Variants in GRIK2 observed in about 807,000 individuals in gnomAD.
GRIK2 encodes the protein glutamate receptor ionotropic, kainate 2.
GRIK2 carries 32 observed loss-of-function variants against 100.3 expected under a neutral mutation model. The ratio of observed to expected loss-of-function variants is 0.32; its 90% CI spans 0.24 to 0.43. The LOEUF (loss-of-function observed/expected upper bound fraction) is 0.43, where lower values mean the gene tolerates loss of function less well. Among genes scored for constraint, GRIK2 ranks in the 20% least tolerant of loss-of-function variants. The pLI, the probability that GRIK2 is intolerant of heterozygous loss-of-function variation, is 1.00. For synonymous variants in GRIK2, 417 were observed against 389.4 expected (o/e 1.07, Z -0.83); for missense variants, 843 against 1,114.9 (o/e 0.76, Z 3.47).
At chr6:101,578,575 GA>G (rs1173622649) in intron 2 of GRIK2, among the ~76,000 whole-genome samples, 1 of 152,122 alleles carries the variant, frequency 6.6e-6, no homozygotes, top group Non-Finnish European at 1.5e-5. Flanking sequence ...GACTGCTTCA[GA>G]ATCATTTGGG....
chr6:101,525,228 CT>C (rs1312171716), intron 2 of GRIK2, among the ~76,000 whole-genome samples: 4 of 152,182 alleles, frequency 2.6e-5, no homozygotes, highest in African/African-American at 9.7e-5. Context: ...GAAGAACACA[CT>C]TTAACTGCTC....
intron 14 of GRIK2, among the ~76,000 whole-genome samples, chr6:101,991,044 A>G (rs1794334058): frequency 6.6e-6 from 1 of 151,820 alleles, no homozygotes; most frequent in African/African-American, 2.4e-5. Context: ...ATGAATGGTC[A>G]TTTTCCATAA....
In GRIK2 at chr6:101,536,146, TG is replaced by T. The variant is rs566245139; in HGVS notation, c.116-85802del. 3.4e-3 allele frequency among the ~76,000 whole-genome samples: 519 copies of T among 151,812 alleles called. 1 individual carries two copies. The highest frequency in any genetic ancestry group is 6.0e-3 in the Non-Finnish European group (405 of 67,722). Reference sequence around the variant, plus strand: ...AAGGATAAAAAAGTTTTTTTGTGTATGTGTGTGAACTTGCTTTTGAAGCCCC... The same window carrying T: ...AAGGATAAAAAAGTTTTTTTGTGTATTGTGTGAACTTGCTTTTGAAGCCCC... On this transcript the variant is annotated intron_variant, in intron 2 of 16. Coordinates refer to ENST00000369134, the MANE Select transcript of GRIK2 (RefSeq NM_021956.5).
At chr6:101,979,878 G>A (rs1027129147) in intron 14 of GRIK2, among the ~76,000 whole-genome samples, 5 of 151,976 alleles carry the variant, frequency 3.3e-5, no homozygotes, top group African/African-American at 1.2e-4. Flanking sequence ...TCCTCCTGCT[G>A]CAGCAGAGAG....
At chr6:101,635,498 G>C (rs545110366) in intron 4 of GRIK2, among the ~76,000 whole-genome samples, 1 of 152,224 alleles carries the variant, frequency 6.6e-6, no homozygotes, top group East Asian at 1.9e-4. Flanking sequence ...AGCCAAGATT[G>C]ACTAATGGGA....
At chr6:101,790,979 T>C (rs1269174832) in intron 7 of GRIK2, among the ~76,000 whole-genome samples, 1 of 152,168 alleles carries the variant, frequency 6.6e-6, no homozygotes, top group Non-Finnish European at 1.5e-5. Flanking sequence ...TTCTAGATTT[T>C]CTAGTTTATT....
intron 9 of GRIK2, among the ~76,000 whole-genome samples, chr6:101,808,188 G>A (rs10485276): frequency 0.3 from 45,264 of 151,788 alleles, 9,576 homozygotes; most frequent in East Asian, 0.67. Flanking sequence ...ATCTTAGACT[G>A]TAACTTCAAA....
At chr6:101,479,479 G>C (rs1056625103) in intron 2 of GRIK2, among the ~76,000 whole-genome samples, 1 of 152,002 alleles carries the variant, frequency 6.6e-6, no homozygotes, top group Non-Finnish European at 1.5e-5. Context: ...TACCAATTAG[G>C]TGATAAAACT....
In GRIK2 at chr6:101,493,774, T is replaced by C. The variant is rs982583679; in HGVS notation, c.115+94382T>C. Among the ~76,000 whole-genome samples the C allele has an allele frequency of 2.6e-5, 4 of 151,346 alleles. No homozygotes were observed. The South Asian group carries it at 8.3e-4, about 31-fold the overall frequency. The stretch of plus-strand genomic sequence containing the variant: ...TATATTATTGGAATTTGTGTATATT[T>C]TACTTTAATTATTTTTCAGCCTACT... On this transcript the variant is annotated intron_variant, in intron 2 of 16. Coordinates refer to ENST00000369134, the MANE Select transcript of GRIK2 (RefSeq NM_021956.5).
At chr6:101,679,549 A>G (rs1771088731) in intron 5 of GRIK2, among the ~76,000 whole-genome samples, 1 of 152,174 alleles carries the variant, frequency 6.6e-6, no homozygotes, top group African/African-American at 2.4e-5. Flanking sequence ...TGAAGTGTGC[A>G]TACAATTCAC....
At position 102,044,468 on chromosome 6, in the gene GRIK2, G is replaced by A. The variant is rs186077879; in HGVS notation, c.2311+8902G>A. 3.1e-3 allele frequency among the ~76,000 whole-genome samples: 468 copies of A among 152,116 alleles called. 3 individuals carry two copies. The highest frequency in any genetic ancestry group is 9.7e-3 in the African/African-American group (401 of 41,536). On this transcript the variant is annotated intron_variant, in intron 15 of 16. Coordinates refer to ENST00000369134, the MANE Select transcript of GRIK2 (RefSeq NM_021956.5). Reference sequence around the variant, plus strand: ...TTTCCACATGATTGGGGAGGCCTCTGATTTATGGCGGGAGGTGAAAGAATT... The same window carrying A: ...TTTCCACATGATTGGGGAGGCCTCTAATTTATGGCGGGAGGTGAAAGAATT...
intron 4 of GRIK2, among the ~76,000 whole-genome samples, chr6:101,665,426 A>G (rs1285463934): frequency 1.3e-5 from 2 of 152,226 alleles, no homozygotes; most frequent in Non-Finnish European, 2.9e-5. Flanking sequence ...GTCATAGTGT[A>G]TGTCTGCTTT....
intron 2 of GRIK2, among the ~76,000 whole-genome samples, chr6:101,487,511 A>G (rs1367469185): frequency 1.4e-5 from 2 of 147,068 alleles, no homozygotes; most frequent in African/African-American, 2.6e-5. Flanking sequence ...CTTGTTTTCT[A>G]TTCTTTTGAC....
At chr6:101,656,357 G>C (rs2852559) in intron 4 of GRIK2, among the ~76,000 whole-genome samples, 31,565 of 149,954 alleles carry the variant, frequency 0.21, 3,453 homozygotes, top group Middle Eastern at 0.34. Flanking sequence ...AGGCATAAGA[G>C]AAAAATATTC....
intron 9 of GRIK2, among the ~76,000 whole-genome samples, chr6:101,802,651 CTA>C (rs1388289341): frequency 2.0e-5 from 3 of 151,652 alleles, no homozygotes; most frequent in Non-Finnish European, 3.0e-5. Flanking sequence ...TATTTTCTAA[CTA>C]GAGATTTTTC....
At chr6:101,933,722 A>T (rs769886701) in intron 14 of GRIK2, among the ~76,000 whole-genome samples, 1 of 151,948 alleles carries the variant, frequency 6.6e-6, no homozygotes, top group Non-Finnish European at 1.5e-5. Flanking sequence ...GATGGAAAAC[A>T]TATGACAGAG....
At chr6:101,713,333 A>T (rs923187813) in intron 7 of GRIK2, among the ~76,000 whole-genome samples, 6 of 151,682 alleles carry the variant, frequency 4.0e-5, no homozygotes, top group Non-Finnish European at 8.8e-5. Flanking sequence ...AGGACTTGTT[A>T]AACAGTACTA....
chr6:102,014,392 C>G (rs975513072), intron 14 of GRIK2, among the ~76,000 whole-genome samples: 1 of 152,022 alleles, frequency 6.6e-6, no homozygotes, highest in African/African-American at 2.4e-5. Context: ...AAAAAACCCA[C>G]TCCTGCCTTC....
At chr6:101,461,375 G>A (rs960495921) in intron 2 of GRIK2, among the ~76,000 whole-genome samples, 1 of 152,130 alleles carries the variant, frequency 6.6e-6, no homozygotes, top group Non-Finnish European at 1.5e-5. Flanking sequence ...TCTGTTCATC[G>A]TGGTTGTAGT....
Sources: gnomAD v4.1 joint callset for allele counts (sites outside exome capture counted in the v4.1 genomes callset) on GRCh38, gnomAD v4.1.1 for gene constraint, MANE v1.5 for transcripts, NCBI Gene and HGNC (gene_info 2026-07-23, HGNC 2026-07-21) for gene names.